APTX: variants seen among roughly 807,000 people sequenced by gnomAD.
APTX encodes aprataxin.
In APTX, 33 loss-of-function variants were observed where a neutral mutation model predicts 42.3. That is an observed-to-expected ratio of 0.78 (90% CI 0.59 to 1.04). APTX has a LOEUF of 1.04. Ranked by LOEUF, APTX falls within the 50% of genes least tolerant of loss-of-function variation. APTX has a pLI of 0.00. For synonymous variants in APTX, 130 were observed against 146.7 expected, an observed-to-expected ratio of 0.89 and a Z score of 0.82; for missense variants, 421 against 415.1, an observed-to-expected ratio of 1.01 and a Z score of -0.12.
At chr9:33,001,722 G>C, upstream of APTX, 1 of 1,379,936 alleles carries the variant, frequency 7.2e-7, no homozygotes. Context: ...CCACTTCCCA[G>C]ATCAAAAAGC....
intron 1 of APTX, among the ~76,000 whole-genome samples, chr9:32,998,178 G>A (rs1382750502): frequency 6.6e-6 from 1 of 152,206 alleles, no homozygotes; most frequent in Non-Finnish European, 1.5e-5. Flanking sequence ...GAGCTGTCCA[G>A]GAGGATAGTC....
Position 32,973,580 on chromosome 9 carries a change from G to A in APTX, c.947C>T (p.Pro316Leu), listed in dbSNP as rs1420487465. The stretch of plus-strand genomic sequence containing the variant: ...CTGCTGGCACTCATGACAACGAAGG[G>A]GCAGCTTCAAGAGCTCAGGCATCCC... ...RDGMPELLKL[P>L]LRCHECQQLL... Residue 316 changes from proline to leucine, a missense_variant, in exon 8 of 8, where the codon CCC becomes CTC. Transcript: ENST00000379817. 2 of 1,613,790 alleles carry A rather than the reference G, an allele frequency of 1.2e-6. No homozygotes were observed. The highest frequency in any genetic ancestry group is 2.7e-5 in the African/African-American group (2 of 74,812).
rs556931441 is a variant in APTX, at chr9:32,975,316, C to CT, written c.771-756dup. Among the ~76,000 whole-genome samples the CT allele has an allele frequency of 5.5e-3, 721 of 131,746 alleles. 5 individuals are homozygous for CT. The highest frequency in any genetic ancestry group is 0.04 in the South Asian group (178 of 4,412). 86.4% of individuals were successfully genotyped at this position (131,746 alleles called of 152,430 possible). Reference sequence around the variant, plus strand: ...AGAGTGCTACTATCTGATTTATACTCTTTTTTTTTGTTAACAATAAAAATT... The same window carrying CT: ...AGAGTGCTACTATCTGATTTATACTCTTTTTTTTTTGTTAACAATAAAAATT... On this transcript the variant is annotated intron_variant, in intron 6 of 7. Transcript: ENST00000379817.
At chr9:33,012,603 G>T (rs1289200602) in intron 1 of APTX, among the ~76,000 whole-genome samples, 1 of 152,188 alleles carries the variant, frequency 6.6e-6, no homozygotes, top group Admixed American at 6.5e-5. Flanking sequence ...AGAGGTCCCA[G>T]CAGAGCTCCC....
rs34634937 is a variant in APTX at position 32,987,570 on chromosome 9, T to C, written c.457A>G (p.Lys153Glu). ...TTTTTGATAGGTGCATCTTTTCCCT[T>C]CTTTAGGGGCACAGAGCATTGGCCA... The part of the protein sequence containing the change: ...NSGQCSVPLK[K>E]GKDAPIKKES... Residue 153 changes from lysine to glutamate, a missense_variant, in exon 4 of 8, where the codon AAG becomes GAG. Physicochemically the swap from Lys to Glu is moderately conservative, Grantham distance 56. Coordinates refer to ENST00000379817, the MANE Select transcript of APTX (RefSeq NM_001195248.2). The C allele has an allele frequency of 6.3e-4, 1,018 of 1,614,030 alleles. 8 individuals carry two copies. The African/African-American group carries it at 0.012, about 19-fold the overall frequency.
chr9:32,985,767 T>G (rs1831855485), intron 5 of APTX, among the ~76,000 whole-genome samples: 1 of 152,182 alleles, frequency 6.6e-6, no homozygotes, highest in African/African-American at 2.4e-5. Flanking sequence ...GATATTCATT[T>G]GAAGAACTCA....
chr9:33,024,936 G>C (rs990578754), intron 1 of APTX: 2 of 146,524 alleles, frequency 1.4e-5, no homozygotes, highest in Non-Finnish European at 3.0e-5. Context: ...CACTGTACTC[G>C]AGCCCTTCCC....
At chr9:33,002,120 A>G (rs185647744), upstream of APTX, among the ~76,000 whole-genome samples, 2 of 152,300 alleles carry the variant, frequency 1.3e-5, no homozygotes, top group Non-Finnish European at 2.9e-5. Flanking sequence ...CTGAGGGGCA[A>G]TCCGGGAGAA....
At position 32,987,724 on chromosome 9, in the gene APTX, C is replaced by T; in HGVS notation, c.303G>A (p.Glu101=). 1 of 1,614,194 alleles carries T rather than the reference C, an allele frequency of 6.2e-7. No individual in the cohort carries two copies. The highest frequency in any genetic ancestry group is 1.3e-5 in the African/African-American group (1 of 75,026). ...NELYPYIVEF[E]EEAKNPGLET... ...CCAGGCCAGGGTTCTTTGCCTCTTC[C>T]TCAAACTCTACAATATATGGATAAA... is the stretch of plus-strand genomic sequence containing the variant. The change falls in exon 4 of 8, where the codon GAG becomes GAA. Residue 101 remains glutamate, a synonymous_variant. Coordinates refer to ENST00000379817, the MANE Select transcript of APTX (RefSeq NM_001195248.2).
chr9:33,017,110 T>C (rs1837957241), intron 1 of APTX, among the ~76,000 whole-genome samples: 5 of 152,178 alleles, frequency 3.3e-5, no homozygotes, highest in Admixed American at 1.3e-4. Flanking sequence ...TCTCTGCAGA[T>C]ACCAACTGGG....
chr9:33,023,972 C>T (rs748971376), intron 1 of APTX, among the ~76,000 whole-genome samples: 4 of 152,222 alleles, frequency 2.6e-5, no homozygotes, highest in Non-Finnish European at 5.9e-5. Context: ...GTATAGCCTT[C>T]CCCTGTGCTT....
chr9:33,021,923 C>G (rs1487632928), intron 1 of APTX, among the ~76,000 whole-genome samples: 1 of 146,296 alleles, frequency 6.8e-6, no homozygotes, highest in Non-Finnish European at 1.5e-5. Flanking sequence ...CCTAGGAGTT[C>G]GAGGCCAGCC....
intron 1 of APTX, among the ~76,000 whole-genome samples, chr9:33,017,230 C>G (rs1181342655): frequency 6.6e-6 from 1 of 152,246 alleles, no homozygotes; most frequent in Non-Finnish European, 1.5e-5. Flanking sequence ...ATACCAATAG[C>G]AAGTCCAGGG....
chr9:33,008,551 ATT>A (rs34273971), intron 1 of APTX, among the ~76,000 whole-genome samples: 18 of 135,036 alleles, frequency 1.3e-4, no homozygotes, highest in Non-Finnish European at 1.7e-4. Flanking sequence ...TCTGATTAAG[ATT>A]TTTTTTTTTT....
chr9:32,973,450 G>C lies in APTX; in HGVS notation c.*48C>G, dbSNP rs1828517642. The C allele has an allele frequency of 8.1e-6, 13 of 1,603,924 alleles. No homozygotes were observed. Among genetic ancestry groups the C allele is most frequent in the Non-Finnish European group, 1.1e-5 (13 of 1,172,074 alleles). ...AAGCAACCCAGAATAGGTGCCAGCAGTTTGCTCCAGTGGGCCACACCACAG... is the reference window on the plus strand; with the variant it reads ...AAGCAACCCAGAATAGGTGCCAGCACTTTGCTCCAGTGGGCCACACCACAG... On this transcript the variant is annotated 3_prime_UTR_variant, in exon 8 of 8. Coordinates refer to ENST00000379817, the MANE Select transcript of APTX (RefSeq NM_001195248.2).
intron 1 of APTX, among the ~76,000 whole-genome samples, chr9:33,007,808 G>C (rs527408833): frequency 1.3e-5 from 2 of 151,374 alleles, no homozygotes; most frequent in African/African-American, 4.9e-5. Flanking sequence ...TCACCCCTAG[G>C]GTGAAACAAC....
upstream of APTX, among the ~76,000 whole-genome samples, chr9:33,001,815 C>T (rs1297740502): frequency 6.6e-6 from 1 of 152,220 alleles, no homozygotes; most frequent in African/African-American, 2.4e-5. Context: ...GCTCTCTCAG[C>T]ATCTCTCTGC....
At chr9:32,980,644 C>T (rs191639969) in intron 6 of APTX, among the ~76,000 whole-genome samples, 2 of 152,338 alleles carry the variant, frequency 1.3e-5, no homozygotes, top group East Asian at 3.9e-4. Flanking sequence ...GAGGCTGCTA[C>T]AGCAGTCTAG....
At chr9:32,998,688 G>A (rs1045072086) in intron 1 of APTX, among the ~76,000 whole-genome samples, 1 of 152,120 alleles carries the variant, frequency 6.6e-6, no homozygotes, top group African/African-American at 2.4e-5. Flanking sequence ...CATGGGCAGA[G>A]GGAGGGGAAC....
Sources: gnomAD v4.1 joint callset for allele counts (sites outside exome capture counted in the v4.1 genomes callset) on GRCh38, gnomAD v4.1.1 for gene constraint, MANE v1.5 for transcripts, NCBI Gene and HGNC (gene_info 2026-07-23, HGNC 2026-07-21) for gene names.